FAT1: variants seen among roughly 807,000 people sequenced by gnomAD.
FAT1 encodes the protein FAT atypical cadherin 1.
A neutral mutation model predicts 329.8 loss-of-function variants in FAT1; 171 were observed. The observed-to-expected ratio is 0.52, with a 90% CI of 0.46 to 0.59. The LOEUF (loss-of-function observed/expected upper bound fraction) is 0.59, where lower values mean the gene tolerates loss of function less well. Ranked by LOEUF, FAT1 falls within the 20% of genes least tolerant of loss-of-function variation. FAT1 has a pLI of 0.00. For missense variants in FAT1, 5,672 were observed against 5,774.4 expected (o/e 0.98, Z 0.57); for synonymous variants, 2,233 against 2,228.6 (o/e 1.00, Z -0.06).
intron 9 of FAT1, among the ~76,000 whole-genome samples, chr4:186,625,489 C>T (rs1740256870): frequency 6.6e-6 from 1 of 152,176 alleles, no homozygotes; most frequent in Non-Finnish European, 1.5e-5. Context: ...TAAAATTACT[C>T]TCCATTTCCT....
At chr4:186,639,684 A>T (rs2126570868) in intron 4 of FAT1, 38 bp downstream of exon 4, 1 of 1,347,388 alleles carries the variant, frequency 7.4e-7, no homozygotes, top group Non-Finnish European at 1.1e-6. Context: ...ACTTGTAACT[A>T]CGAATCTTTA....
intron 2 of FAT1, among the ~76,000 whole-genome samples, chr4:186,695,107 C>A (rs1050837191): frequency 5.9e-5 from 9 of 152,204 alleles, no homozygotes; most frequent in Admixed American, 2.6e-4. Flanking sequence ...TTAAGAAATT[C>A]ATCAATAATG....
intron 2 of FAT1, among the ~76,000 whole-genome samples, chr4:186,697,067 C>A (rs1165249343): frequency 6.6e-6 from 1 of 152,002 alleles, no homozygotes; most frequent in Non-Finnish European, 1.5e-5. Flanking sequence ...ATTCTGTCTG[C>A]CAAGGGAGCT....
At chr4:186,683,946 T>G (rs1743344240) in intron 2 of FAT1, among the ~76,000 whole-genome samples, 1 of 152,060 alleles carries the variant, frequency 6.6e-6, no homozygotes, top group Non-Finnish European at 1.5e-5. Context: ...AAACTGAGTT[T>G]TTCAGCTGTT....
At chr4:186,595,626 T>C in intron 26 of FAT1, 63 bp downstream of exon 26, 1 of 1,584,752 alleles carries the variant, frequency 6.3e-7, no homozygotes, top group African/African-American at 1.3e-5. Context: ...GTCTACATTG[T>C]GAGATAACAC....
Position 186,620,756 on chromosome 4 carries a change from AC to A in FAT1, c.5829del (p.Gln1943HisfsTer2). On this transcript the variant is annotated frameshift_variant, in exon 10 of 27. Transcript: ENST00000441802. LOFTEE classifies it high-confidence loss of function. ...ACGGTTAGCTCGTAGCGGCTTCTTAACTGAGTTGTGTTTTGGACAGTGAGAG... is the reference window on the plus strand; with the variant it reads ...ACGGTTAGCTCGTAGCGGCTTCTTAATGAGTTGTGTTTTGGACAGTGAGAG... ...TGALTVQNTTQLRSRYELTVR... is the reference protein window; with the variant it reads ...TGALTVQNTTXLRSRYELTVR... 6.2e-7 allele frequency: 1 copy of A among 1,614,030 alleles called. No individual in the cohort carries two copies. The highest frequency in any genetic ancestry group is 8.5e-7 in the Non-Finnish European group (1 of 1,179,900).
At chr4:186,599,225 T>G (rs747601828) in intron 22 of FAT1, among the ~76,000 whole-genome samples, 1 of 152,074 alleles carries the variant, frequency 6.6e-6, no homozygotes, top group African/African-American at 2.4e-5. Context: ...CAAATATACC[T>G]CCCTGAGAGA....
chr4:186,658,298 T>C lies in FAT1; in HGVS notation c.3580+5001A>G, dbSNP rs188621465. ...TGCAGACAGACAGTTCTTGGCACCA[T>C]AATTAAGCACAAAAACCTTGAAGAG... is the stretch of plus-strand genomic sequence containing the variant. On this transcript the variant is annotated intron_variant, in intron 3 of 26. Coordinates refer to ENST00000441802, the MANE Select transcript of FAT1 (RefSeq NM_005245.4). 5.3e-5 allele frequency among the ~76,000 whole-genome samples: 8 copies of C among 152,270 alleles called. No homozygotes were observed. In the East Asian group the frequency reaches 1.4e-3, roughly 26 times the overall value.
intron 2 of FAT1, among the ~76,000 whole-genome samples, chr4:186,676,037 A>T (rs1214938699): frequency 6.6e-6 from 1 of 152,200 alleles, no homozygotes; most frequent in Non-Finnish European, 1.5e-5. Context: ...AAGACAGTTA[A>T]ATAAAAGAGT....
chr4:186,602,930 G>A lies in FAT1; in HGVS notation c.11455C>T (p.Pro3819Ser). The change falls in exon 20 of 27, where the codon CCC becomes TCC. Residue 3819 changes from proline (P) to serine (S), a missense_variant. By Grantham distance (74) the Pro-to-Ser change is moderately conservative. Coordinates refer to ENST00000441802, the MANE Select transcript of FAT1 (RefSeq NM_005245.4). ...GGGCACTGACCAAACCTGCCGCTGG[G>A]ACAGACACAGGTGTGTTTCTCCTCC... The part of the protein sequence containing the change: ...PWEEKHTCVC[P>S]SGRFGQCPGS... 1 of 1,613,918 alleles carries A rather than the reference G, an allele frequency of 6.2e-7. No individual in the cohort carries two copies. The highest frequency in any genetic ancestry group is 8.5e-7 in the Non-Finnish European group (1 of 1,179,842).
At chr4:186,700,851 G>C (rs761022464) in intron 2 of FAT1, among the ~76,000 whole-genome samples, 1 of 152,154 alleles carries the variant, frequency 6.6e-6, no homozygotes, top group African/African-American at 2.4e-5. Flanking sequence ...ACTCAGTGTC[G>C]TGGTTATTAC....
At chr4:186,713,413 C>T (rs1745057124) in intron 1 of FAT1, among the ~76,000 whole-genome samples, 1 of 152,064 alleles carries the variant, frequency 6.6e-6, no homozygotes, top group South Asian at 2.1e-4. Flanking sequence ...GTTTCCACCA[C>T]ACCGTAGCAA....
chr4:186,665,520 T>A (rs1158904469), intron 2 of FAT1, among the ~76,000 whole-genome samples: 1 of 152,238 alleles, frequency 6.6e-6, no homozygotes, highest in African/African-American at 2.4e-5. Flanking sequence ...TTCATATCCT[T>A]CAGCCACTTT....
intron 3 of FAT1, among the ~76,000 whole-genome samples, chr4:186,652,836 T>C (rs562283053): frequency 1.3e-5 from 2 of 152,344 alleles, no homozygotes; most frequent in South Asian, 2.1e-4. Context: ...AAAGTGTTAC[T>C]GGACTAACAC....
chr4:186,720,171 T>C (rs546600986), intron 1 of FAT1, among the ~76,000 whole-genome samples: 1 of 152,362 alleles, frequency 6.6e-6, no homozygotes, highest in South Asian at 2.1e-4. Context: ...TGTAACATCT[T>C]GACCTCTTCC....
At chr4:186,712,897 A>G (rs1445101905) in intron 1 of FAT1, among the ~76,000 whole-genome samples, 1 of 101,612 alleles carries the variant, frequency 9.8e-6, no homozygotes, top group African/African-American at 4.8e-5. Flanking sequence ...GGGAAGCCAG[A>G]AAGAGACCAC....
intron 1 of FAT1, among the ~76,000 whole-genome samples, chr4:186,713,947 G>A (rs1428079864): frequency 6.6e-6 from 1 of 152,134 alleles, no homozygotes; most frequent in Non-Finnish European, 1.5e-5. Context: ...TCGGCCTCCC[G>A]AACTGCTAGG....
At chr4:186,678,490 C>T (rs529435182) in intron 2 of FAT1, among the ~76,000 whole-genome samples, 3 of 148,622 alleles carry the variant, frequency 2.0e-5, no homozygotes, top group Non-Finnish European at 3.0e-5. Flanking sequence ...GAACATTATA[C>T]AATGTCATTA....
Position 186,620,884 on chromosome 4 carries a change from A to T in FAT1, c.5702T>A (p.Val1901Glu), listed in dbSNP as rs1740009222. 2 of 1,613,924 alleles carry T rather than the reference A, an allele frequency of 1.2e-6. No homozygotes were observed. The highest frequency in any genetic ancestry group is 2.7e-5 in the African/African-American group (2 of 74,940). The change falls in exon 10 of 27, where the codon GTA (valine) becomes GAA (glutamate). Residue 1901 changes from valine (V) to glutamate (E), a missense_variant. Val to Glu is a moderately radical substitution (Grantham distance 121). Around this residue, in one of 2 missense-constraint regions of FAT1, gnomAD observed 3,966 missense variants for 3,915.2 expected, o/e 1.01. Coordinates refer to ENST00000441802, the MANE Select transcript of FAT1 (RefSeq NM_005245.4). Reference sequence around the variant, plus strand: ...ACTTGAATCAGCATCTGTAGCATTTACTGTGATGACTTTTACTCCTTTGTA... The same window carrying T: ...ACTTGAATCAGCATCTGTAGCATTTTCTGTGATGACTTTTACTCCTTTGTA... The part of the protein sequence containing the change: ...PTYKGVKVIT[V>E]NATDADSSAF...
Sources: allele counts gnomAD v4.1 joint callset (sites outside exome capture counted in the v4.1 genomes callset), GRCh38; gene constraint gnomAD v4.1.1; regional missense constraint gnomAD v4.1.1; transcripts MANE v1.5; gene names NCBI Gene and HGNC (gene_info 2026-07-23, HGNC 2026-07-21).